Variants in AIG1 observed in about 807,000 individuals in gnomAD.
AIG1 encodes the protein androgen induced 1.
In AIG1, 23 loss-of-function variants were observed where a neutral mutation model predicts 31.4. The observed-to-expected ratio is 0.73, with a 90% confidence interval of 0.53 to 1.04. The LOEUF is 1.04. Ranked by LOEUF, AIG1 falls within the 50% of genes least tolerant of loss-of-function variation. The probability of loss-of-function intolerance (pLI) is 0.00; values close to 1 mark genes in which losing one functional copy is unlikely to be tolerated. For synonymous variants in AIG1, 100 were observed against 110.5 expected (o/e 0.90, Z 0.60); for missense variants, 274 against 295.0 (o/e 0.93, Z 0.52).
chr6:143,085,245 CT>C (rs770332011), intron 1 of AIG1, among the ~76,000 whole-genome samples: 2 of 152,188 alleles, frequency 1.3e-5, no homozygotes, highest in Non-Finnish European at 2.9e-5. Flanking sequence ...CGTTTCCCAT[CT>C]GAAAATAGAA....
In AIG1 at chr6:143,292,275, A is replaced by G. The variant is rs1233086521; in HGVS notation, c.515+8050A>G. Among the ~76,000 whole-genome samples, 1 of 152,234 alleles carries G rather than the reference A, an allele frequency of 6.6e-6. No individual in the cohort carries two copies. The highest frequency in any genetic ancestry group is 6.5e-5 in the Admixed American group (1 of 15,292). On this transcript the variant is annotated intron_variant, in intron 4 of 5. Coordinates refer to ENST00000357847, the MANE Select transcript of AIG1 (RefSeq NM_016108.4). This position sits in a 1 kb window ranked among gnomAD's most constrained non-coding sequence, Gnocchi z 4.9. ...CAAAAGGGACTTTGCAGGTGTGATT[A>G]AGGTAAGGACCTTGTGATGGACAGG...
intron 4 of AIG1, among the ~76,000 whole-genome samples, chr6:143,314,321 T>C (rs1775556369): frequency 6.7e-6 from 1 of 149,654 alleles, no homozygotes; most frequent in Non-Finnish European, 1.5e-5. Context: ...ACTACTACAC[T>C]CCAGCCTGGG....
chr6:143,220,219 C>T lies in AIG1; in HGVS notation c.399+55036C>T, dbSNP rs1442352968. On this transcript the variant is annotated intron_variant, in intron 3 of 5. Transcript: ENST00000357847. Reference sequence around the variant, plus strand: ...ACCTTCTGAGAGAAGTCTTCTTTGACCATCCTAACTAAAGATACCCTGGAC... The same window carrying T: ...ACCTTCTGAGAGAAGTCTTCTTTGATCATCCTAACTAAAGATACCCTGGAC... Among the ~76,000 whole-genome samples, 6 of 152,150 alleles carry T rather than the reference C, an allele frequency of 3.9e-5. 1 individual carries two copies. The highest frequency in any genetic ancestry group is 3.9e-4 in the Admixed American group (6 of 15,280).
At chr6:143,122,677 C>G (rs1477541048) in intron 1 of AIG1, among the ~76,000 whole-genome samples, 1 of 152,112 alleles carries the variant, frequency 6.6e-6, no homozygotes, top group Non-Finnish European at 1.5e-5. Context: ...GAGATTAGTT[C>G]TTCATAGTGT....
chr6:143,292,715 A>G lies in AIG1; in HGVS notation c.515+8490A>G, dbSNP rs1009604234. Among the ~76,000 whole-genome samples, 27 of 152,178 alleles carry G rather than the reference A, an allele frequency of 1.8e-4. No individual in the cohort carries two copies. The highest frequency in any genetic ancestry group is 6.5e-4 in the African/African-American group (27 of 41,430). On this transcript the variant is annotated intron_variant, in intron 4 of 5. Coordinates refer to ENST00000357847, the MANE Select transcript of AIG1 (RefSeq NM_016108.4). This position sits in a 1 kb window ranked among gnomAD's most constrained non-coding sequence, Gnocchi z 4.9. Reference sequence around the variant, plus strand: ...TACTTGAACAAATCACTTAATCTCTATGGGCCTCAATTTCCTTATCCGAAA... The same window carrying G: ...TACTTGAACAAATCACTTAATCTCTGTGGGCCTCAATTTCCTTATCCGAAA...
chr6:143,313,614 A>G (rs1775489401), intron 4 of AIG1, among the ~76,000 whole-genome samples: 1 of 152,080 alleles, frequency 6.6e-6, no homozygotes, highest in Admixed American at 6.6e-5. Context: ...CAACAATAAA[A>G]AGAATGAATA....
intron 1 of AIG1, among the ~76,000 whole-genome samples, chr6:143,113,990 G>C (rs1781525223): frequency 6.6e-6 from 1 of 152,066 alleles, no homozygotes. Flanking sequence ...TAGGCAGGAT[G>C]GTCTTGATCT....
chr6:143,170,018 G>T (rs765837235), intron 3 of AIG1, among the ~76,000 whole-genome samples: 1 of 151,996 alleles, frequency 6.6e-6, no homozygotes, highest in Non-Finnish European at 1.5e-5. Context: ...TTGCATCTAT[G>T]CTCATCAGAG....
At chr6:143,159,437 C>T (rs1206764670) in intron 2 of AIG1, among the ~76,000 whole-genome samples, 1 of 151,860 alleles carries the variant, frequency 6.6e-6, no homozygotes, top group East Asian at 1.9e-4. Flanking sequence ...TAGTTAAAAC[C>T]CACGAAAAAA....
chr6:143,282,167 A>G (rs1275940845), intron 3 of AIG1, among the ~76,000 whole-genome samples: 1 of 152,144 alleles, frequency 6.6e-6, no homozygotes, highest in Admixed American at 6.6e-5. Flanking sequence ...AAAATGGAGG[A>G]TTTTCTACTT....
At chr6:143,061,115 T>TGC in intron 1 of AIG1, 49 bp downstream of exon 1, 1 of 1,551,320 alleles carries the variant, frequency 6.4e-7, no homozygotes, top group South Asian at 1.1e-5. Context: ...TGCCTGTGTG[T>TGC]GCGTGTGTGT....
intron 4 of AIG1, among the ~76,000 whole-genome samples, chr6:143,312,303 T>A (rs1775349972): frequency 6.6e-6 from 1 of 152,168 alleles, no homozygotes; most frequent in South Asian, 2.1e-4. Context: ...TTACATGACT[T>A]CAAATTATAC....
chr6:143,343,818 T>C (rs1562611786), downstream of AIG1, among the ~76,000 whole-genome samples: 1 of 152,200 alleles, frequency 6.6e-6, no homozygotes, highest in Non-Finnish European at 1.5e-5. Flanking sequence ...GATTATTTTG[T>C]CACCCAGGTA....
At position 143,256,494 on chromosome 6, in the gene AIG1, T is replaced by C. The variant is rs916364714; in HGVS notation, c.400-27616T>C. Among the ~76,000 whole-genome samples the C allele has an allele frequency of 2.0e-5, 3 of 152,216 alleles. No individual in the cohort carries two copies. The highest frequency in any genetic ancestry group is 4.8e-5 in the African/African-American group (2 of 41,456). On this transcript the variant is annotated intron_variant, in intron 3 of 5. Coordinates refer to ENST00000357847, the MANE Select transcript of AIG1 (RefSeq NM_016108.4). The surrounding 1 kb of genome is among the most constrained non-coding windows in gnomAD (Gnocchi z 4.6). ...CATTTGCCATCAGTAAATTTTATTT[T>C]GTCAGGTTTAGACATTTTTCTTGCA... is the stretch of plus-strand genomic sequence containing the variant.
chr6:143,290,872 G>A (rs140654905), intron 4 of AIG1, among the ~76,000 whole-genome samples: 6 of 152,186 alleles, frequency 3.9e-5, no homozygotes, highest in African/African-American at 9.6e-5. Flanking sequence ...AGAGACAGCC[G>A]AAGGACTCTG....
chr6:143,277,966 G>C (rs1797064809), intron 3 of AIG1, among the ~76,000 whole-genome samples: 1 of 152,150 alleles, frequency 6.6e-6, no homozygotes, highest in South Asian at 2.1e-4. Flanking sequence ...TGACTTGCCT[G>C]GATTTATACC....
At chr6:143,168,702 C>T (rs1446272776) in intron 3 of AIG1, among the ~76,000 whole-genome samples, 1 of 151,926 alleles carries the variant, frequency 6.6e-6, no homozygotes, top group East Asian at 1.9e-4. Flanking sequence ...ACTCAGGTGG[C>T]TGAGGTGGGG....
intron 4 of AIG1, among the ~76,000 whole-genome samples, chr6:143,287,350 G>A (rs1398447643): frequency 6.6e-6 from 1 of 152,108 alleles, no homozygotes; most frequent in Non-Finnish European, 1.5e-5. Context: ...CTTAGAGATA[G>A]GCATGATCTT....
rs1425117674 is a variant in AIG1 at position 143,268,195 on chromosome 6, T to TA, written c.400-15913dup. ...GTGAAAATGACAAAACATAGGGCCA[T>TA]AAGGAGGAATAAAACCAAAGGTTGG... On this transcript the variant is annotated intron_variant, in intron 3 of 5. Transcript: ENST00000357847. This position sits in a 1 kb window ranked among gnomAD's most constrained non-coding sequence, Gnocchi z 5.0. 6.6e-6 allele frequency among the ~76,000 whole-genome samples: 1 copy of TA among 152,114 alleles called. No homozygotes were observed. Among genetic ancestry groups the TA allele is most frequent in the Non-Finnish European group, 1.5e-5 (1 of 68,018 alleles).
Sources: allele counts gnomAD v4.1 joint callset (sites outside exome capture counted in the v4.1 genomes callset), GRCh38; gene constraint gnomAD v4.1.1; non-coding constraint Gnocchi (gnomAD v3.1); transcripts MANE v1.5; gene names NCBI Gene and HGNC (gene_info 2026-07-23, HGNC 2026-07-21).